The following IL1RAPL2 variants were observed in gnomAD, a reference collection of about 807,000 sequenced individuals.
The protein encoded by IL1RAPL2 is interleukin 1 receptor accessory protein like 2, also known as X-linked interleukin-1 receptor accessory protein-like 2.
A neutral mutation model predicts 44.1 loss-of-function variants in IL1RAPL2; 3 were observed. That is an observed-to-expected ratio of 0.07 (90% CI 0.03 to 0.18). The LOEUF is 0.18. Among genes scored for constraint, IL1RAPL2 ranks in the 10% least tolerant of loss-of-function variants. The probability of loss-of-function intolerance (pLI) is 1.00; values close to 1 mark genes in which losing one functional copy is unlikely to be tolerated. For synonymous variants in IL1RAPL2, 181 were observed against 178.8 expected, an observed-to-expected ratio of 1.01 and a Z score of -0.10; for missense variants, 391 against 496.4, an observed-to-expected ratio of 0.79 and a Z score of 2.02.
intron 5 of IL1RAPL2, among the ~76,000 whole-genome samples, chrX:105,348,518 C>A (rs1375717250): frequency 8.9e-6 from 1 of 111,739 alleles, no homozygotes; most frequent in Non-Finnish European, 1.9e-5. Context: ...ATTATTATTA[C>A]TATTCTCATA....
intron 2 of IL1RAPL2, among the ~76,000 whole-genome samples, chrX:104,659,441 A>C: frequency 8.9e-6 from 1 of 111,866 alleles, no homozygotes; most frequent in East Asian, 2.8e-4. Flanking sequence ...AGGGGTCTAC[A>C]GCCTCCAAGT....
In IL1RAPL2 at chrX:105,290,614, T is replaced by A. The variant is rs191188186; in HGVS notation, c.697+23073T>A. On this transcript the variant is annotated intron_variant, in intron 5 of 10. Coordinates refer to ENST00000372582, the MANE Select transcript of IL1RAPL2 (RefSeq NM_017416.2). The stretch of plus-strand genomic sequence containing the variant: ...TTCAGGGTCTTCTGTATTGGAGGAG[T>A]TGATGGTGACAAATTGGGAAGGGGG... 4.9e-4 allele frequency among the ~76,000 whole-genome samples: 54 copies of A among 110,661 alleles called. No individual in the cohort carries two copies. The East Asian group carries it at 9.2e-3, about 19-fold the overall frequency.
chrX:104,975,540 A>G (rs1157880145), intron 2 of IL1RAPL2, among the ~76,000 whole-genome samples: 4 of 112,778 alleles, frequency 3.5e-5, no homozygotes, highest in Non-Finnish European at 5.6e-5. Flanking sequence ...GTGAGTAATG[A>G]CAAGTTAAAT....
At chrX:104,887,411 C>G (rs768058419) in intron 2 of IL1RAPL2, among the ~76,000 whole-genome samples, 2 of 112,235 alleles carry the variant, frequency 1.8e-5, no homozygotes, top group East Asian at 5.6e-4. Flanking sequence ...AGTGGCATAC[C>G]TAAGTAGGGA....
intron 5 of IL1RAPL2, among the ~76,000 whole-genome samples, chrX:105,387,688 T>C (rs777329697): frequency 8.9e-6 from 1 of 111,895 alleles, no homozygotes; most frequent in South Asian, 3.7e-4. Flanking sequence ...TGTGTAATTG[T>C]TTCATCATTA....
At chrX:105,368,975 A>G (rs2147716309) in intron 5 of IL1RAPL2, among the ~76,000 whole-genome samples, 1 of 107,959 alleles carries the variant, frequency 9.3e-6, no homozygotes, top group Non-Finnish European at 1.9e-5. Context: ...CTCTTGTTGG[A>G]TTGTTTCATT....
intron 5 of IL1RAPL2, among the ~76,000 whole-genome samples, chrX:105,317,980 T>G (rs1351718840): frequency 1.8e-5 from 2 of 109,091 alleles, no homozygotes; most frequent in Non-Finnish European, 3.8e-5. Flanking sequence ...TTCTTCTTTT[T>G]TTTTTTTTTA....
intron 2 of IL1RAPL2, among the ~76,000 whole-genome samples, chrX:104,677,546 T>A (rs1376577690): frequency 5.4e-5 from 6 of 111,761 alleles, no homozygotes; most frequent in East Asian, 2.9e-4. Context: ...ACTGCTGTCT[T>A]TTTGTTTGTC....
intron 1 of IL1RAPL2, among the ~76,000 whole-genome samples, chrX:104,614,219 T>C (rs1602644468): frequency 9.0e-6 from 1 of 111,558 alleles, no homozygotes; most frequent in African/African-American, 3.3e-5. Context: ...TTTACTTATT[T>C]TCTGCTAGCT....
At chrX:104,841,890 A>G (rs1044367234) in intron 2 of IL1RAPL2, among the ~76,000 whole-genome samples, 3 of 109,540 alleles carry the variant, frequency 2.7e-5, no homozygotes, top group Non-Finnish European at 5.7e-5. Flanking sequence ...TCTCATGAGT[A>G]TCTTGGTGGT....
chrX:105,472,289 T>C (rs2036170529), intron 5 of IL1RAPL2, among the ~76,000 whole-genome samples: 1 of 111,807 alleles, frequency 8.9e-6, no homozygotes, highest in African/African-American at 3.3e-5. Context: ...AGATGAATGA[T>C]AATCACAGCT....
At chrX:104,590,781 A>G (rs1928650139) in intron 1 of IL1RAPL2, among the ~76,000 whole-genome samples, 1 of 112,037 alleles carries the variant, frequency 8.9e-6, no homozygotes, top group Non-Finnish European at 1.9e-5. Context: ...TTCAAAAAGA[A>G]AGATTGTTTT....
At chrX:105,032,904 G>T (rs1371939943) in intron 2 of IL1RAPL2, among the ~76,000 whole-genome samples, 1 of 111,563 alleles carries the variant, frequency 9.0e-6, no homozygotes, top group African/African-American at 3.3e-5. Context: ...ATGAATCTGG[G>T]TGCTCCAGTA....
chrX:105,587,313 A>G (rs1350813423), intron 6 of IL1RAPL2, among the ~76,000 whole-genome samples: 2 of 111,420 alleles, frequency 1.8e-5, no homozygotes, highest in Non-Finnish European at 3.8e-5. Flanking sequence ...TTTTCTATTT[A>G]TAAGAAATAT....
At chrX:104,937,740 A>G (rs1925062043) in intron 2 of IL1RAPL2, among the ~76,000 whole-genome samples, 1 of 112,291 alleles carries the variant, frequency 8.9e-6, no homozygotes, top group Admixed American at 9.5e-5. Flanking sequence ...TTGGAAACAT[A>G]TTGCTCCTCC....
At chrX:105,508,585 C>G in intron 6 of IL1RAPL2, among the ~76,000 whole-genome samples, 1 of 108,769 alleles carries the variant, frequency 9.2e-6, no homozygotes, top group Non-Finnish European at 1.9e-5. Context: ...GCACTTAAGG[C>G]ATCAGAAGTT....
At chrX:105,360,980 G>T (rs1412962843) in intron 5 of IL1RAPL2, among the ~76,000 whole-genome samples, 1 of 111,130 alleles carries the variant, frequency 9.0e-6, no homozygotes, top group African/African-American at 3.3e-5. Context: ...TCCATATAAG[G>T]TTTTTATAAA....
At chrX:104,847,199 T>G (rs1163062472) in intron 2 of IL1RAPL2, among the ~76,000 whole-genome samples, 1 of 112,156 alleles carries the variant, frequency 8.9e-6, no homozygotes, top group Admixed American at 9.4e-5. Flanking sequence ...TTAGTTTAAT[T>G]AGATCCCATT....
At position 104,902,478 on chromosome X, in the gene IL1RAPL2, C is replaced by T. The variant is rs997356829; in HGVS notation, c.82+243483C>T. ...ATTTCTCTAGGTTAGTAGGAATTGG[C>T]CTATTTTGAATTCTATTCCAGCCAG... On this transcript the variant is annotated intron_variant, in intron 2 of 10. Coordinates refer to ENST00000372582, the MANE Select transcript of IL1RAPL2 (RefSeq NM_017416.2). 1.7e-4 allele frequency among the ~76,000 whole-genome samples: 19 copies of T among 112,050 alleles called. No homozygotes were observed. The Admixed American group carries it at 1.8e-3, about 11-fold the overall frequency.
Sources: gnomAD v4.1 joint callset for allele counts (sites outside exome capture counted in the v4.1 genomes callset) on GRCh38, gnomAD v4.1.1 for gene constraint, MANE v1.5 for transcripts, NCBI Gene and HGNC (gene_info 2026-07-23, HGNC 2026-07-21) for gene names.